The following SORBS2 variants were observed in gnomAD, a reference collection of about 807,000 sequenced individuals.
SORBS2 encodes the protein sorbin and SH3 domain-containing protein 2.
SORBS2 carries 46 observed loss-of-function variants against 97.7 expected under a neutral mutation model. The observed-to-expected ratio is 0.47, with a 90% CI of 0.37 to 0.60. The LOEUF is 0.60. Among genes scored for constraint, SORBS2 ranks in the 20% least tolerant of loss-of-function variants. The pLI is 0.00. For missense variants in SORBS2, 1,316 were observed against 1,282.3 expected, an observed-to-expected ratio of 1.03 and a Z score of -0.40; for synonymous variants, 476 against 473.4, an observed-to-expected ratio of 1.01 and a Z score of -0.07.
chr4:185,635,490 T>C lies in SORBS2; in HGVS notation c.397-4892A>G, dbSNP rs181360477. 45 of 1,061,800 alleles carry C rather than the reference T, an allele frequency of 4.2e-5. No individual in the cohort carries two copies. The South Asian group carries it at 4.9e-4, about 12-fold the overall frequency. The allele number at this position is 1,061,800 out of a possible 1,614,324, so 65.8% of individuals were successfully genotyped here. ...TCAATGGCAGCAAGGAATGAACATG[T>C]GGAAAAGGTGACAACAGTTAGAAAT... On this transcript the variant is annotated intron_variant, in intron 4 of 14. Coordinates refer to ENST00000418609, the Ensembl canonical transcript of SORBS2.
chr4:185,624,495 C>T lies in SORBS2; in HGVS notation c.635-1G>A. Reference sequence around the variant, plus strand: ...GGACATATTTTGCTATCATCCCCACCTTTTAATCCAGAGCAGCGTGGTAGA... The same window carrying T: ...GGACATATTTTGCTATCATCCCCACTTTTTAATCCAGAGCAGCGTGGTAGA... On this transcript the variant is annotated splice_acceptor_variant, in intron 6 of 14. Transcript: ENST00000418609. LOFTEE classifies it high-confidence loss of function. 6.3e-7 allele frequency: 1 copy of T among 1,597,968 alleles called. No individual in the cohort carries two copies. The highest frequency in any genetic ancestry group is 1.1e-5 in the South Asian group (1 of 90,368).
intron 2 of SORBS2, among the ~76,000 whole-genome samples, chr4:185,760,052 G>C (rs928341440): frequency 1.3e-5 from 2 of 152,130 alleles, no homozygotes; most frequent in South Asian, 2.1e-4. Context: ...CCCAGCTTAG[G>C]GGACTCCAAA....
At chr4:185,670,743 G>A (rs147734561) in intron 4 of SORBS2, among the ~76,000 whole-genome samples, 246 of 152,060 alleles carry the variant, frequency 1.6e-3, no homozygotes, top group African/African-American at 5.6e-3. Flanking sequence ...TAGGGAAAAT[G>A]TGCCCCCTCT....
intron 1 of SORBS2, among the ~76,000 whole-genome samples, chr4:185,844,277 A>G (rs572100599): frequency 6.6e-6 from 1 of 152,204 alleles, no homozygotes; most frequent in Admixed American, 6.5e-5. Flanking sequence ...CAAAGAACCC[A>G]ATTCAAAAAT....
upstream of SORBS2, chr4:185,657,359 G>T: frequency 7.1e-7 from 1 of 1,411,326 alleles, no homozygotes; most frequent in Non-Finnish European, 9.3e-7. Flanking sequence ...CAAAGCCGTG[G>T]ACAATCCGTC....
rs917631650 is a variant in SORBS2 at position 185,756,975 on chromosome 4, C to T, written c.-198+18252G>A. The T allele has an allele frequency of 6.0e-5, 87 of 1,452,650 alleles. 1 individual carries two copies. The highest frequency in any genetic ancestry group is 2.5e-4 in the Middle Eastern group (1 of 4,056). The allele number at this position is 1,452,650 out of a possible 1,614,324, so 90.0% of individuals were successfully genotyped here. A position where few individuals can be genotyped will look rare whatever the true frequency, so the allele number is the denominator to read the frequency against. ...ATTTTGGTCCATTAATTCACCCGCT[C>T]GCTCCTGGAGGACGTTAACCAATTC... On this transcript the variant is annotated intron_variant, in intron 2 of 20. Transcript: ENST00000284776.
chr4:185,769,748 C>T (rs2098958574), intron 2 of SORBS2, among the ~76,000 whole-genome samples: 2 of 152,152 alleles, frequency 1.3e-5, no homozygotes, highest in African/African-American at 4.8e-5. Context: ...CCTTGGCCTC[C>T]GAAAGTGCTG....
At chr4:185,666,530 T>C (rs72718141) in intron 4 of SORBS2, among the ~76,000 whole-genome samples, 28,644 of 152,106 alleles carry the variant, frequency 0.19, 3,380 homozygotes, top group Admixed American at 0.29. Context: ...TGATAAGATA[T>C]CAGACTATCG....
At chr4:185,741,231 T>C (rs543809893) in intron 2 of SORBS2, among the ~76,000 whole-genome samples, 2 of 151,654 alleles carry the variant, frequency 1.3e-5, no homozygotes, top group Admixed American at 1.3e-4. Flanking sequence ...ACCTTTAGCA[T>C]TATGTCAGAA....
rs1418748000 is a variant in SORBS2 at position 185,736,433 on chromosome 4, G to C, written c.-198+38794C>G. 2.0e-5 allele frequency among the ~76,000 whole-genome samples: 3 copies of C among 152,180 alleles called. No homozygotes were observed. The East Asian group carries it at 5.8e-4, about 29-fold the overall frequency. ...AAGAAGCCTGACCACAAAGCAACTG[G>C]GCATTCTGGAGGTTACTGGGCAGAC... is the stretch of plus-strand genomic sequence containing the variant. On this transcript the variant is annotated intron_variant, in intron 2 of 20. Coordinates refer to the SORBS2 transcript ENST00000284776.
intron 1 of SORBS2, among the ~76,000 whole-genome samples, chr4:185,924,125 T>C (rs759600449): frequency 6.6e-6 from 1 of 152,124 alleles, no homozygotes; most frequent in Non-Finnish European, 1.5e-5. Context: ...CATGAACAGG[T>C]TGAGTGGTCT....
chr4:185,666,038 G>A, intron 4 of SORBS2: 1 of 1,289,680 alleles, frequency 7.8e-7, no homozygotes, highest in Non-Finnish European at 1.0e-6. Flanking sequence ...CCATCGGGGG[G>A]CGGAAGGCTG....
chr4:185,593,688 A>G (rs1437531035), intron 13 of SORBS2, 198 bp downstream of exon 25: 4 of 549,812 alleles, frequency 7.3e-6, no homozygotes, highest in Non-Finnish European at 9.7e-6. Flanking sequence ...TTCTCAGAGA[A>G]CTATGGGTTC....
chr4:185,668,798 T>C (rs1414504902), intron 4 of SORBS2, among the ~76,000 whole-genome samples: 1 of 152,212 alleles, frequency 6.6e-6, no homozygotes, highest in Non-Finnish European at 1.5e-5. Context: ...TAGGTCTCCT[T>C]CTTTTCAAGA....
At chr4:185,830,661 T>A (rs1414127683) in intron 1 of SORBS2, among the ~76,000 whole-genome samples, 1 of 152,206 alleles carries the variant, frequency 6.6e-6, no homozygotes. Context: ...TTGCTTCTTT[T>A]TTCAAGTGTA....
intron 1 of SORBS2, among the ~76,000 whole-genome samples, chr4:185,846,819 G>T (rs1166610785): frequency 6.6e-6 from 1 of 152,296 alleles, no homozygotes; most frequent in Admixed American, 6.5e-5. Flanking sequence ...GAGAGAGGGG[G>T]AAGGGGGAGA....
rs200792324 is a variant in SORBS2, at chr4:185,650,170, CA to C, written c.92-515del. On this transcript the variant is annotated intron_variant, in intron 2 of 14. Coordinates refer to ENST00000418609, the Ensembl canonical transcript of SORBS2. ...CAAGGTACAAGGAAACATGAGTCCTCAATATGCTTAGAGTGCACCTGGGAAA... is the reference window on the plus strand; with the variant it reads ...CAAGGTACAAGGAAACATGAGTCCTCATATGCTTAGAGTGCACCTGGGAAA... Among the ~76,000 whole-genome samples, 562 of 152,224 alleles carry C rather than the reference CA, an allele frequency of 3.7e-3. 4 individuals carry two copies. The highest frequency in any genetic ancestry group is 0.013 in the African/African-American group (532 of 41,520).
At position 185,770,753 on chromosome 4, in the gene SORBS2, C is replaced by T. The variant is rs951238572; in HGVS notation, c.-198+4474G>A. On this transcript the variant is annotated intron_variant, in intron 2 of 20. Coordinates refer to the SORBS2 transcript ENST00000284776. Reference sequence around the variant, plus strand: ...TAAATTTAGACTGTAATAATATATCCTTGAGAAATAAATATTATATGGACT... The same window carrying T: ...TAAATTTAGACTGTAATAATATATCTTTGAGAAATAAATATTATATGGACT... 2.0e-5 allele frequency among the ~76,000 whole-genome samples: 3 copies of T among 151,934 alleles called. No individual in the cohort carries two copies. In the East Asian group the frequency reaches 5.8e-4, roughly 29 times the overall value.
At chr4:185,858,620 T>C (rs1241255559) in intron 1 of SORBS2, among the ~76,000 whole-genome samples, 1 of 152,156 alleles carries the variant, frequency 6.6e-6, no homozygotes, top group Non-Finnish European at 1.5e-5. Context: ...CTTAAGCAAG[T>C]TCATAGTGGG....
Sources: allele counts gnomAD v4.1 joint callset (sites outside exome capture counted in the v4.1 genomes callset), GRCh38; gene constraint gnomAD v4.1.1; transcripts MANE v1.5; gene names NCBI Gene and HGNC (gene_info 2026-07-23, HGNC 2026-07-21).